Variants in TLR5 observed in about 807,000 individuals in gnomAD.
TLR5 encodes the protein toll-like receptor 5.
For synonymous variants in TLR5, 373 were observed against 384.4 expected (o/e 0.97, Z 0.35); for missense variants, 944 against 999.8 (o/e 0.94, Z 0.75).
chr1:223,118,367 C>T (rs890464682), intron 5 of TLR5, among the ~76,000 whole-genome samples: 3 of 149,490 alleles, frequency 2.0e-5, no homozygotes, highest in South Asian at 2.1e-4. Flanking sequence ...GCCAACATGG[C>T]GAAACCCCAT....
rs751149761 is a variant in TLR5 at position 223,112,923 on chromosome 1, T to C, written c.109A>G (p.Asn37Asp). 21 of 1,614,122 alleles carry C rather than the reference T, an allele frequency of 1.3e-5. No homozygotes were observed. Among genetic ancestry groups the C allele is most frequent in the Non-Finnish European group, 1.8e-5 (21 of 1,180,024 alleles). ...AGGACCTGGGGGACCTGGGTGAGGT[T>C]GCAGAAACGATAAAAGGCTATTCGG... ...DGRIAFYRFC[N>D]LTQVPQVLNT... Residue 37 changes from asparagine (N) to aspartate (D), a missense_variant, in exon 6 of 6, where the codon AAC (asparagine) becomes GAC (aspartate). By Grantham distance (23) the Asn-to-Asp change is conservative. Coordinates refer to ENST00000642603, the MANE Select transcript of TLR5 (RefSeq NM_003268.6).
At chr1:223,124,146 T>C in intron 5 of TLR5, among the ~76,000 whole-genome samples, 1 of 152,294 alleles carries the variant, frequency 6.6e-6, no homozygotes, top group African/African-American at 2.4e-5. Flanking sequence ...AACAGTGGCC[T>C]ATAAAGAAAG....
chr1:223,112,885 C>T lies in TLR5; in HGVS notation c.147G>A (p.Glu49=). 2 of 1,614,106 alleles carry T rather than the reference C, an allele frequency of 1.2e-6. No homozygotes were observed. The highest frequency in any genetic ancestry group is 1.7e-6 in the Non-Finnish European group (2 of 1,180,020). Residue 49 remains glutamate (E), a synonymous_variant, in exon 6 of 6, where the codon GAG becomes GAA. Coordinates refer to ENST00000642603, the MANE Select transcript of TLR5 (RefSeq NM_003268.6). Reference sequence around the variant, plus strand: ...TATAGTTGAAGCTCAGCAGGAGCCTCTCAGTGGTGTTGAGGACCTGGGGGA... The same window carrying T: ...TATAGTTGAAGCTCAGCAGGAGCCTTTCAGTGGTGTTGAGGACCTGGGGGA... ...TQVPQVLNTT[E]RLLLSFNYIR...
intron 5 of TLR5, among the ~76,000 whole-genome samples, chr1:223,121,047 C>A (rs1352582859): frequency 1.3e-5 from 2 of 152,204 alleles, no homozygotes; most frequent in Non-Finnish European, 2.9e-5. Context: ...TGTGCCACTG[C>A]ACTCCAGCCT....
At chr1:223,118,081 T>C (rs999291148) in intron 5 of TLR5, among the ~76,000 whole-genome samples, 6 of 152,200 alleles carry the variant, frequency 3.9e-5, no homozygotes, top group African/African-American at 1.4e-4. Flanking sequence ...GTGCCCAAGG[T>C]GGTCAGGGTG....
In TLR5 at chr1:223,134,849, G is replaced by GCA. The variant is rs1657544094; in HGVS notation, c.-338_-337insTG. On this transcript the variant is annotated 5_prime_UTR_variant, in exon 4 of 6. The change creates a new upstream start codon in the 5' untranslated region. Transcript: ENST00000642603. ...GGCTGGAGCAGATGAGAGTAGGGAA[G>GCA]TCCAGTATAGCATCCCTGAAAGTAA... 1 of 152,164 alleles carries GCA rather than the reference G, an allele frequency of 6.6e-6. No homozygotes were observed. The highest frequency in any genetic ancestry group is 2.4e-5 in the African/African-American group (1 of 41,374). 9.4% of individuals were successfully genotyped at this position (152,164 alleles called of 1,614,324 possible).
chr1:223,140,163 T>A (rs1374516498), intron 2 of TLR5, among the ~76,000 whole-genome samples: 2 of 152,120 alleles, frequency 1.3e-5, no homozygotes, highest in Non-Finnish European at 2.9e-5. Flanking sequence ...AAGGTGCCAT[T>A]TGAGCTGCTT....
At position 223,111,721 on chromosome 1, in the gene TLR5, A is replaced by G. The variant is rs1656350775; in HGVS notation, c.1311T>C (p.Asn437=). 3.7e-6 allele frequency: 6 copies of G among 1,613,952 alleles called. No individual in the cohort carries two copies. Among genetic ancestry groups the G allele is most frequent in the Non-Finnish European group, 5.1e-6 (6 of 1,180,038 alleles). Residue 437 remains asparagine (N), a synonymous_variant, in exon 6 of 6, where the codon AAT becomes AAC. Transcript: ENST00000642603. ...GTAGGAGAAAGTAGAGAATATCTAGATTTTCTAGCCTGTTTTCTGATAAGT... is the reference window on the plus strand; with the variant it reads ...GTAGGAGAAAGTAGAGAATATCTAGGTTTTCTAGCCTGTTTTCTGATAAGT... ...LIHLSENRLE[N]LDILYFLLRV...
In TLR5 at chr1:223,137,950, A is replaced by ATTTTTTTTTT. The variant is rs3044335; in HGVS notation, c.-438-697_-438-688dup. On this transcript the variant is annotated intron_variant, in intron 2 of 5. Coordinates refer to ENST00000642603, the MANE Select transcript of TLR5 (RefSeq NM_003268.6). ...AACCTCCTCAGGTCTGGCTTTTTAA[A>ATTTTTTTTTT]TTTTTTTTTTTTTTTTTTTTTTTTT... 4.1e-3 allele frequency among the ~76,000 whole-genome samples: 350 copies of ATTTTTTTTTT among 84,554 alleles called. 32 individuals are homozygous for ATTTTTTTTTT. The highest frequency in any genetic ancestry group is 0.023 in the East Asian group (51 of 2,252). 55.5% of individuals were successfully genotyped at this position (84,554 alleles called of 152,430 possible). A position where few individuals can be genotyped will look rare whatever the true frequency, so the allele number is the denominator to read the frequency against.
At chr1:223,132,043 C>A (rs1273002806) in intron 5 of TLR5, among the ~76,000 whole-genome samples, 1 of 152,036 alleles carries the variant, frequency 6.6e-6, no homozygotes, top group Non-Finnish European at 1.5e-5. Context: ...ACTTAAGTAC[C>A]CCAGCAATAT....
Position 223,110,595 on chromosome 1 carries a change from G to A in TLR5, c.2437C>T (p.Gln813Ter). 2 of 1,614,172 alleles carry A rather than the reference G, an allele frequency of 1.2e-6. 1 individual carries two copies. Among genetic ancestry groups the A allele is most frequent in the South Asian group, 2.2e-5 (2 of 91,088 alleles). ...HQSIRGFVQK[Q>*]QYLRWPEDLQ... ...TCCTCAGGCCACCTCAAATACTGCT[G>A]TTTCTGTACAAAGCCTCTGATGGAT... Residue 813 changes from glutamine (Q) to a stop codon, truncating the protein, a stop_gained, in exon 6 of 6, where the codon CAG becomes TAG. Coordinates refer to ENST00000642603, the MANE Select transcript of TLR5 (RefSeq NM_003268.6). LOFTEE classifies it low-confidence loss of function (END_TRUNC).
At chr1:223,125,171 C>G (rs1339526178) in intron 5 of TLR5, among the ~76,000 whole-genome samples, 1 of 152,138 alleles carries the variant, frequency 6.6e-6, no homozygotes, top group Non-Finnish European at 1.5e-5. Context: ...ATAGTCTTCC[C>G]TAACACATTA....
At chr1:223,127,577 C>T (rs759084021) in intron 5 of TLR5, 3 of 152,184 alleles carry the variant, frequency 2.0e-5, no homozygotes, top group Non-Finnish European at 2.9e-5. Context: ...GGCCACAGTC[C>T]CTCCAGCCCA....
At chr1:223,114,345 C>T (rs1286078673) in intron 5 of TLR5, among the ~76,000 whole-genome samples, 1 of 152,114 alleles carries the variant, frequency 6.6e-6, no homozygotes, top group Non-Finnish European at 1.5e-5. Context: ...TGCACAGCAC[C>T]TCCATCTTTG....
At chr1:223,143,013 C>T (rs1201805778) in intron 1 of TLR5, among the ~76,000 whole-genome samples, 183 bp downstream of exon 1, 1 of 152,172 alleles carries the variant, frequency 6.6e-6, no homozygotes, top group Admixed American at 6.5e-5. Context: ...CTCGCGGGTG[C>T]CGCGGGGCAG....
In TLR5 at chr1:223,112,934, T is replaced by C. The variant is rs201940750; in HGVS notation, c.98A>G (p.Tyr33Cys). ...SCSFDGRIAF[Y>C]RFCNLTQVPQ... is the part of the protein sequence containing the mutation. Reference sequence around the variant, plus strand: ...GACCTGGGTGAGGTTGCAGAAACGATAAAAGGCTATTCGGCCATCAAAGGA... The same window carrying C: ...GACCTGGGTGAGGTTGCAGAAACGACAAAAGGCTATTCGGCCATCAAAGGA... Residue 33 changes from tyrosine to cysteine, a missense_variant, in exon 6 of 6, where the codon TAT (tyrosine) becomes TGT (cysteine). By Grantham distance (194) the Tyr-to-Cys change is radical (BLOSUM62 -2). Transcript: ENST00000642603. The C allele has an allele frequency of 6.2e-7, 1 of 1,614,046 alleles. No homozygotes were observed. Among genetic ancestry groups the C allele is most frequent in the East Asian group, 2.2e-5 (1 of 44,862 alleles).
intron 5 of TLR5, among the ~76,000 whole-genome samples, chr1:223,121,912 G>C (rs851192): frequency 0.66 from 100,241 of 152,136 alleles, 34,233 homozygotes; most frequent in African/African-American, 0.84. Flanking sequence ...GGCCTCAGAG[G>C]TAATGACCTT....
chr1:223,116,145 C>G (rs1010033962), intron 5 of TLR5, among the ~76,000 whole-genome samples: 3 of 152,202 alleles, frequency 2.0e-5, no homozygotes, highest in Admixed American at 6.5e-5. Context: ...CTTGTCTTGT[C>G]TATTTGCTTA....
chr1:223,120,457 G>A (rs1656904688), intron 5 of TLR5, among the ~76,000 whole-genome samples: 2 of 152,350 alleles, frequency 1.3e-5, no homozygotes, highest in Non-Finnish European at 2.9e-5. Flanking sequence ...CACATAGACT[G>A]ACTGATGTCT....
Sources: allele counts gnomAD v4.1 joint callset (sites outside exome capture counted in the v4.1 genomes callset), GRCh38; gene constraint gnomAD v4.1.1; transcripts MANE v1.5; gene names NCBI Gene and HGNC (gene_info 2026-07-23, HGNC 2026-07-21).